The following GABRR3 variants were observed in gnomAD, a reference collection of about 807,000 sequenced individuals.
GABRR3 encodes gamma-aminobutyric acid type A receptor subunit rho3, also known as gamma-aminobutyric acid receptor subunit rho-3.
GABRR3 carries 29 observed loss-of-function variants against 43.2 expected under a neutral mutation model. That is an observed-to-expected ratio of 0.67 (90% CI 0.50 to 0.92). The LOEUF is 0.92. Ranked by LOEUF, GABRR3 falls within the 40% of genes least tolerant of loss-of-function variation. The pLI is 0.00. For missense variants in GABRR3, 576 were observed against 572.3 expected (o/e 1.01, Z -0.07); for synonymous variants, 206 against 195.9 (o/e 1.05, Z -0.43).
rs1707070044 is a variant in GABRR3 at position 98,030,119 on chromosome 3, A to T, written c.126-4440T>A. 2.0e-5 allele frequency among the ~76,000 whole-genome samples: 3 copies of T among 151,956 alleles called. No individual in the cohort carries two copies. The South Asian group carries it at 6.2e-4, about 32-fold the overall frequency. On this transcript the variant is annotated intron_variant, in intron 2 of 9. Coordinates refer to ENST00000621172, the Ensembl canonical transcript of GABRR3. ...GACAGAGTGAGACTGTCTTGGAAAA[A>T]AAAAAAAAAAGGATATGATTAAATC...
At chr3:98,006,434 T>G (rs1449817066) in intron 7 of GABRR3, among the ~76,000 whole-genome samples, 1 of 152,248 alleles carries the variant, frequency 6.6e-6, no homozygotes, top group Non-Finnish European at 1.5e-5. Context: ...CTTCTGGGTC[T>G]AAATAGATAA....
chr3:98,008,880 C>T (rs1035674216), intron 6 of GABRR3, 76 bp downstream of exon 6: 12 of 685,798 alleles, frequency 1.7e-5, no homozygotes, highest in Non-Finnish European at 2.4e-5. Context: ...TTGTTAAGAG[C>T]ATGCTTATTT....
chr3:97,993,823 T>TC (rs1298485260), intron 8 of GABRR3, among the ~76,000 whole-genome samples: 1 of 152,036 alleles, frequency 6.6e-6, no homozygotes, highest in Non-Finnish European at 1.5e-5. Context: ...TTTCCTTTTT[T>TC]CCCCTCTTCC....
intron 9 of GABRR3, among the ~76,000 whole-genome samples, chr3:97,991,254 C>T (rs893661096): frequency 6.6e-6 from 1 of 152,170 alleles, no homozygotes; most frequent in Non-Finnish European, 1.5e-5. Context: ...TTCCTGTCAC[C>T]TTTCACTTCA....
chr3:98,035,270 A>C, exon 1 of GABRR3: 4 of 375,748 alleles, frequency 1.1e-5, no homozygotes, highest in Non-Finnish European at 2.0e-5. Flanking sequence ...TTTTCCGGGG[A>C]AGGTTTTTAG....
intron 3 of GABRR3, among the ~76,000 whole-genome samples, chr3:98,018,088 G>A (rs745580110): frequency 4.0e-5 from 6 of 151,240 alleles, no homozygotes; most frequent in African/African-American, 1.5e-4. Flanking sequence ...TGTCTTAAGA[G>A]TATGTAGAAT....
chr3:98,029,688 ATAAT>A (rs1707061786), intron 2 of GABRR3, among the ~76,000 whole-genome samples: 1 of 152,212 alleles, frequency 6.6e-6, no homozygotes, highest in Non-Finnish European at 1.5e-5. Context: ...AAGGGAGGAC[ATAAT>A]TAATAAGCAA....
intron 3 of GABRR3, among the ~76,000 whole-genome samples, chr3:98,018,181 G>A (rs12695642): frequency 0.47 from 71,585 of 151,850 alleles, 16,927 homozygotes; most frequent in East Asian, 0.55. Flanking sequence ...GGGCAATGTT[G>A]GGACCTTTTC....
At chr3:98,019,518 C>T (rs904892885) in intron 3 of GABRR3, among the ~76,000 whole-genome samples, 1 of 152,176 alleles carries the variant, frequency 6.6e-6, no homozygotes, top group African/African-American at 2.4e-5. Flanking sequence ...TGGAATACCT[C>T]AGTTACATCT....
In GABRR3 at chr3:98,034,921, C is replaced by G. The variant is rs773295629; in HGVS notation, c.67G>C (p.Ala23Pro). The change falls in exon 2 of 10, where the codon GCT becomes CCT. Residue 23 changes from alanine to proline, a missense_variant. Ala to Pro is a conservative substitution (Grantham distance 27). Coordinates refer to ENST00000621172, the Ensembl canonical transcript of GABRR3. ...TGTGTCATCTTGATGTTAGAAGCAG[C>G]ACAAACATTTGGTTTCAATATGATC... 4.3e-6 allele frequency: 7 copies of G among 1,613,042 alleles called. No individual in the cohort carries two copies. In the Admixed American group the frequency reaches 1.0e-4, roughly 23 times the overall value.
intron 3 of GABRR3, among the ~76,000 whole-genome samples, chr3:98,020,930 C>T (rs1350064228): frequency 4.9e-5 from 7 of 143,512 alleles, no homozygotes; most frequent in African/African-American, 1.8e-4. Flanking sequence ...GGTGTAATCT[C>T]GGCTCACGGC....
intron 9 of GABRR3, among the ~76,000 whole-genome samples, chr3:97,989,526 G>C (rs539191034): frequency 4.0e-4 from 61 of 151,896 alleles, no homozygotes; most frequent in Middle Eastern, 3.4e-3. Flanking sequence ...GTGGATGGTA[G>C]TAGTAATGGT....
chr3:98,000,638 A>G (rs1706625827), intron 8 of GABRR3: 1 of 152,148 alleles, frequency 6.6e-6, no homozygotes, highest in Non-Finnish European at 1.5e-5. Context: ...CTTTTGAAGT[A>G]TGCATATAAT....
chr3:98,001,192 T>C (rs1257474917), intron 8 of GABRR3: 1 of 156,562 alleles, frequency 6.4e-6, no homozygotes, highest in Admixed American at 6.3e-5. Flanking sequence ...TAATTTGTTA[T>C]TAATACACTA....
intron 3 of GABRR3, among the ~76,000 whole-genome samples, chr3:98,022,049 A>G (rs544459807): frequency 6.6e-6 from 1 of 152,326 alleles, no homozygotes; most frequent in East Asian, 1.9e-4. Flanking sequence ...GACTCACAGT[A>G]TAGTCCTCTC....
At chr3:97,987,753 T>C (rs996184190) in intron 9 of GABRR3, among the ~76,000 whole-genome samples, 2 of 152,324 alleles carry the variant, frequency 1.3e-5, no homozygotes, top group East Asian at 1.9e-4. Context: ...TTTTTATTTT[T>C]TTAACTTTTA....
chr3:98,009,888 T>C (rs1399126974), intron 5 of GABRR3, among the ~76,000 whole-genome samples: 2 of 152,232 alleles, frequency 1.3e-5, no homozygotes, highest in Middle Eastern at 3.2e-3. Context: ...TTTGGTGTAT[T>C]CCTAGTACTT....
chr3:97,993,279 TTCC>T (rs1244819915), intron 8 of GABRR3, among the ~76,000 whole-genome samples: 1 of 152,212 alleles, frequency 6.6e-6, no homozygotes, highest in African/African-American at 2.4e-5. Flanking sequence ...AAGGTTTCCT[TTCC>T]TCCATTTAAA....
downstream of GABRR3, among the ~76,000 whole-genome samples, chr3:97,985,327 G>A (rs534797988): frequency 2.0e-5 from 3 of 152,192 alleles, no homozygotes; most frequent in East Asian, 1.9e-4. Context: ...TGGTTTACTT[G>A]GTTCGACCAA....
Sources: allele counts gnomAD v4.1 joint callset (sites outside exome capture counted in the v4.1 genomes callset), GRCh38; gene constraint gnomAD v4.1.1; transcripts MANE v1.5; gene names NCBI Gene and HGNC (gene_info 2026-07-23, HGNC 2026-07-21).